Variants in TRPM7 observed in about 807,000 individuals in gnomAD.
The protein encoded by TRPM7 is transient receptor potential cation channel subfamily M member 7, also known as LTRPC ion channel family member 7.
Under a neutral mutation model 229.7 loss-of-function variants are expected in TRPM7, and 134 were observed. The ratio of observed to expected loss-of-function variants is 0.58; its 90% confidence interval spans 0.51 to 0.67. The LOEUF is 0.67. TRPM7 is among the 30% of genes least tolerant of loss of function. The probability of loss-of-function intolerance (pLI) is 0.00; values close to 1 mark genes in which losing one functional copy is unlikely to be tolerated. For synonymous variants in TRPM7, 699 were observed against 715.2 expected (o/e 0.98, Z 0.36); for missense variants, 1,901 against 2,210.0 (o/e 0.86, Z 2.80).
chr15:50,639,601 G>C (rs2061026546), intron 5 of TRPM7, 53 bp from the exon 6 acceptor site: 3 of 1,545,606 alleles, frequency 1.9e-6, no homozygotes, highest in East Asian at 4.7e-5. Context: ...CTTAAAGACA[G>C]GGTCACCCAG....
At position 50,557,452 on chromosome 15, in the gene TRPM7, TGA is replaced by T. The variant is rs1013816277; in HGVS notation, c.*4224_*4225del. On this transcript the variant is annotated 3_prime_UTR_variant, in exon 39 of 39. Coordinates refer to ENST00000646667, the MANE Select transcript of TRPM7 (RefSeq NM_017672.6). Reference sequence around the variant, plus strand: ...ACTATGAAAACAACATAGTCTGACTTGAGAGTGGGGAAAGTGGAACAAGGGAG... The same window carrying T: ...ACTATGAAAACAACATAGTCTGACTTGAGTGGGGAAAGTGGAACAAGGGAG... The T allele has an allele frequency of 1.3e-5, 2 of 152,168 alleles. No homozygotes were observed. Among genetic ancestry groups the T allele is most frequent in the African/African-American group, 4.8e-5 (2 of 41,446 alleles). 9.4% of individuals were successfully genotyped at this position (152,168 alleles called of 1,614,324 possible). A position where few individuals can be genotyped will look rare whatever the true frequency, so the allele number is the denominator to read the frequency against.
At chr15:50,568,238 T>A (rs1400797050) in intron 38 of TRPM7, among the ~76,000 whole-genome samples, 1 of 150,574 alleles carries the variant, frequency 6.6e-6, no homozygotes, top group Non-Finnish European at 1.5e-5. Flanking sequence ...CCCCTTAACA[T>A]CAGAAACAAA....
intron 1 of TRPM7, among the ~76,000 whole-genome samples, chr15:50,675,021 G>A (rs2062063751): frequency 6.6e-6 from 1 of 151,946 alleles, no homozygotes; most frequent in South Asian, 2.1e-4. Flanking sequence ...ATGCCTACAG[G>A]GACACATAAT....
chr15:50,610,034 G>T lies in TRPM7; in HGVS notation c.2281-73C>A, dbSNP rs1030671955. The T allele has an allele frequency of 2.7e-6, 3 of 1,105,914 alleles. No homozygotes were observed. In the African/African-American group the frequency reaches 4.9e-5, roughly 18 times the overall value. The allele number at this position is 1,105,914 out of a possible 1,614,324, so 68.5% of individuals were successfully genotyped here. On this transcript the variant is annotated intron_variant, in intron 17 of 38. Transcript: ENST00000646667. ...AAGAATATAATAAAAACAAAACAAA[G>T]AATAAAAACAATAAAAGATTTTAAA...
intron 5 of TRPM7, among the ~76,000 whole-genome samples, chr15:50,642,686 T>A (rs769422201): frequency 2.6e-5 from 4 of 152,178 alleles, no homozygotes; most frequent in Non-Finnish European, 5.9e-5. Context: ...GAACTGTGGG[T>A]CAATTAAACC....
chr15:50,587,234 A>G (rs2059366776), intron 27 of TRPM7, among the ~76,000 whole-genome samples: 1 of 152,054 alleles, frequency 6.6e-6, no homozygotes, highest in Non-Finnish European at 1.5e-5. Flanking sequence ...TGAGCTATTT[A>G]TACAACAAGG....
At chr15:50,604,765 A>C (rs567000427) in intron 21 of TRPM7, 101 bp downstream of exon 21, 1 of 1,203,048 alleles carries the variant, frequency 8.3e-7, no homozygotes, top group South Asian at 1.7e-5. Context: ...CACAAAATAA[A>C]AGACATTCAC....
Position 50,592,259 on chromosome 15 carries a change from G to A in TRPM7, c.3976C>T (p.Gln1326Ter), listed in dbSNP as rs781697724. The A allele has an allele frequency of 6.2e-7, 1 of 1,613,852 alleles. No homozygotes were observed. The highest frequency in any genetic ancestry group is 8.5e-7 in the Non-Finnish European group (1 of 1,179,928). ...AAGTCTTGACCAAATATATTACACT[G>A]GGGATCTTTGTCATCTTTCATTAAA... ...NILMKDDKDP[Q>*]CNIFGQDLPA... Residue 1326 changes from glutamine to a stop codon, truncating the protein, a stop_gained, in exon 26 of 39, where the codon CAG becomes TAG. Transcript: ENST00000646667. LOFTEE classifies it high-confidence loss of function.
rs1284986108 is a variant in TRPM7 at position 50,591,905 on chromosome 15, A to C, written c.4324+6T>G. On this transcript the variant is annotated splice_donor_region_variant and intron_variant, in intron 26 of 38. Coordinates refer to ENST00000646667, the MANE Select transcript of TRPM7 (RefSeq NM_017672.6). ...TGATATACAAATACGAATTTGCCAA[A>C]CTTACCTACAAATGCTCCAAATTCT... 2.6e-6 allele frequency: 4 copies of C among 1,536,752 alleles called. No individual in the cohort carries two copies. The African/African-American group carries it at 5.6e-5, about 21-fold the overall frequency.
intron 1 of TRPM7, among the ~76,000 whole-genome samples, chr15:50,668,657 G>A (rs562090099): frequency 1.6e-4 from 24 of 152,124 alleles, no homozygotes; most frequent in African/African-American, 3.6e-4. Context: ...ACAGATGCCC[G>A]CCACCACACC....
chr15:50,634,763 A>C (rs1335505584), intron 7 of TRPM7, among the ~76,000 whole-genome samples: 1 of 152,220 alleles, frequency 6.6e-6, no homozygotes, highest in Non-Finnish European at 1.5e-5. Context: ...TAAATAATGA[A>C]TACTTTGTCA....
At chr15:50,600,014 G>A (rs556695262) in intron 21 of TRPM7, among the ~76,000 whole-genome samples, 7 of 152,244 alleles carry the variant, frequency 4.6e-5, no homozygotes, top group African/African-American at 1.4e-4. Flanking sequence ...TGTACATTTT[G>A]ACATAATTAT....
At chr15:50,580,669 T>C (rs2054355779) in intron 30 of TRPM7, among the ~76,000 whole-genome samples, 3 of 152,210 alleles carry the variant, frequency 2.0e-5, no homozygotes, top group Admixed American at 1.3e-4. Flanking sequence ...GGTACAACTA[T>C]ATGAAAATAA....
At chr15:50,594,831 A>T (rs1262198514) in intron 23 of TRPM7, among the ~76,000 whole-genome samples, 1 of 152,190 alleles carries the variant, frequency 6.6e-6, no homozygotes, top group Non-Finnish European at 1.5e-5. Flanking sequence ...AAAAAAATTT[A>T]AAATATTGTA....
chr15:50,589,306 C>G lies in TRPM7; in HGVS notation c.4389+286G>C, dbSNP rs2059423435. Among the ~76,000 whole-genome samples, 4 of 119,208 alleles carry G rather than the reference C, an allele frequency of 3.4e-5. No individual in the cohort carries two copies. In the South Asian group the frequency reaches 1.1e-3, roughly 32 times the overall value. 78.2% of individuals were successfully genotyped at this position (119,208 alleles called of 152,430 possible). ...CACTGTACTCCAGCCCAGGTGACAG[C>G]GAGACTCCGTCTCAAAAAAAAAAAA... is the stretch of plus-strand genomic sequence containing the variant. On this transcript the variant is annotated intron_variant, in intron 27 of 38. Transcript: ENST00000646667.
At chr15:50,594,788 C>T (rs1177465382) in intron 23 of TRPM7, among the ~76,000 whole-genome samples, 175 bp from the exon 24 acceptor site, 1 of 151,776 alleles carries the variant, frequency 6.6e-6, no homozygotes, top group Admixed American at 6.6e-5. Context: ...AAGTATAAGG[C>T]AAAGACTAAC....
intron 21 of TRPM7, chr15:50,604,629 T>C (rs1484987359): frequency 3.7e-6 from 1 of 271,702 alleles, no homozygotes; most frequent in Non-Finnish European, 6.9e-6. Flanking sequence ...AGGAGTTACC[T>C]ACAGACATAA....
intron 22 of TRPM7, among the ~76,000 whole-genome samples, chr15:50,598,845 A>T (rs2059700044): frequency 2.0e-5 from 3 of 152,222 alleles, no homozygotes; most frequent in Non-Finnish European, 4.4e-5. Context: ...AAAGACCACT[A>T]GACCTAGCTC....
intron 36 of TRPM7, among the ~76,000 whole-genome samples, chr15:50,571,803 G>A (rs1398915487): frequency 6.6e-6 from 1 of 152,148 alleles, no homozygotes; most frequent in African/African-American, 2.4e-5. Context: ...ATGTTGAGAT[G>A]GAATCTACTC....
Sources: allele counts gnomAD v4.1 joint callset (sites outside exome capture counted in the v4.1 genomes callset), GRCh38; gene constraint gnomAD v4.1.1; transcripts MANE v1.5; gene names NCBI Gene and HGNC (gene_info 2026-07-23, HGNC 2026-07-21).